Variants in TXNRD1 observed in about 807,000 individuals in gnomAD.
TXNRD1 encodes the protein thioredoxin reductase 1, also known as thioredoxin reductase 1, cytoplasmic.
Under a neutral mutation model 80.3 loss-of-function variants are expected in TXNRD1, and 57 were observed. The observed-to-expected ratio is 0.71, with a 90% CI of 0.57 to 0.89. The LOEUF (loss-of-function observed/expected upper bound fraction) is 0.89. TXNRD1 is among the 40% of genes least tolerant of loss of function. The probability of loss-of-function intolerance (pLI) is 0.00; values close to 1 mark genes in which losing one functional copy is unlikely to be tolerated. For missense variants in TXNRD1, 730 were observed against 803.0 expected, an observed-to-expected ratio of 0.91 and a Z score of 1.10; for synonymous variants, 291 against 285.2, an observed-to-expected ratio of 1.02 and a Z score of -0.20.
intron 3 of TXNRD1, among the ~76,000 whole-genome samples, chr12:104,285,294 G>T (rs1310333432): frequency 4.6e-5 from 7 of 152,128 alleles, no homozygotes; most frequent in Non-Finnish European, 1.0e-4. Flanking sequence ...TTTTCCTCTA[G>T]AATTCACGAC....
intron 2 of TXNRD1, among the ~76,000 whole-genome samples, chr12:104,257,678 G>A (rs2033287322): frequency 6.6e-6 from 1 of 152,062 alleles, no homozygotes; most frequent in African/African-American, 2.4e-5. Context: ...CAAAGTGCTG[G>A]GATTACAGAC....
chr12:104,226,045 C>G (rs2032465933), intron 1 of TXNRD1, among the ~76,000 whole-genome samples: 1 of 151,732 alleles, frequency 6.6e-6, no homozygotes, highest in African/African-American at 2.4e-5. Context: ...ACTAAAAATG[C>G]AAAAAATTAG....
chr12:104,233,900 A>G (rs1034968265), intron 1 of TXNRD1, among the ~76,000 whole-genome samples: 2 of 152,222 alleles, frequency 1.3e-5, no homozygotes, highest in African/African-American at 4.8e-5. Context: ...AGGATCAGCA[A>G]TATTTCAAGC....
intron 1 of TXNRD1, among the ~76,000 whole-genome samples, chr12:104,230,469 C>T (rs2032594589): frequency 6.6e-6 from 1 of 152,122 alleles, no homozygotes; most frequent in African/African-American, 2.4e-5. Flanking sequence ...TTTCCACATC[C>T]TTGTTAACAC....
chr12:104,347,511 G>A (rs188381273), intron 16 of TXNRD1, among the ~76,000 whole-genome samples: 1 of 152,322 alleles, frequency 6.6e-6, no homozygotes, highest in East Asian at 1.9e-4. Flanking sequence ...CTGCAAATGA[G>A]AGTATAGGTT....
chr12:104,246,585 C>T (rs1398324715), intron 1 of TXNRD1, among the ~76,000 whole-genome samples: 19 of 146,032 alleles, frequency 1.3e-4, no homozygotes, highest in African/African-American at 1.5e-4. Flanking sequence ...TGCAGTGGTG[C>T]GATCTCGGTT....
At chr12:104,307,056 AGTT>A (rs2034945216) in intron 4 of TXNRD1, among the ~76,000 whole-genome samples, 3 of 152,160 alleles carry the variant, frequency 2.0e-5, no homozygotes, top group Admixed American at 2.0e-4. Context: ...TAAAATATAA[AGTT>A]GACCACTTCT....
chr12:104,254,638 A>AT (rs909869132), intron 2 of TXNRD1, among the ~76,000 whole-genome samples: 6 of 106,842 alleles, frequency 5.6e-5, no homozygotes, highest in African/African-American at 3.1e-4. Context: ...TGGAAAAAAA[A>AT]AAAAAAATAT....
At chr12:104,254,420 A>G (rs1193369310) in intron 2 of TXNRD1, among the ~76,000 whole-genome samples, 3 of 151,796 alleles carry the variant, frequency 2.0e-5, no homozygotes, top group Non-Finnish European at 4.4e-5. Context: ...TAATCCTATC[A>G]GTGGGTAAAT....
chr12:104,223,660 G>A (rs1160286884), intron 1 of TXNRD1, among the ~76,000 whole-genome samples: 7 of 152,208 alleles, frequency 4.6e-5, no homozygotes, highest in Non-Finnish European at 7.3e-5. Flanking sequence ...AAGGGAGGGT[G>A]TGTCCAGTTG....
intron 3 of TXNRD1, among the ~76,000 whole-genome samples, chr12:104,268,561 C>T (rs1400819413): frequency 6.6e-6 from 1 of 152,050 alleles, no homozygotes; most frequent in African/African-American, 2.4e-5. Flanking sequence ...ACTCTGTCCC[C>T]AGGCTGGAGT....
intron 4 of TXNRD1, among the ~76,000 whole-genome samples, chr12:104,291,974 C>T (rs999335198): frequency 2.0e-5 from 3 of 152,186 alleles, no homozygotes; most frequent in African/African-American, 7.2e-5. Context: ...GAATTGAGTG[C>T]TTATAGTCCT....
intron 7 of TXNRD1, among the ~76,000 whole-genome samples, chr12:104,316,392 A>T (rs548715170): frequency 1.6e-4 from 25 of 152,098 alleles, no homozygotes; most frequent in Non-Finnish European, 3.1e-4. Context: ...TTTTATTTTT[A>T]TTTATTTATT....
Position 104,339,225 on chromosome 12 carries a change from C to A in TXNRD1, c.1833C>A (p.Thr611=). The stretch of plus-strand genomic sequence containing the variant: ...CAGCTGCGCTCAAATGTGGACTGAC[C>A]AAAAAGCAGCTGGACAGCACAATTG... ...GFAAALKCGL[T]KKQLDSTIGI... The change falls in exon 16 of 17, where the codon ACC becomes ACA. Residue 611 remains threonine (T), a synonymous_variant. Coordinates refer to ENST00000525566, the MANE Select transcript of TXNRD1 (RefSeq NM_001093771.3). The A allele has an allele frequency of 6.2e-7, 1 of 1,613,868 alleles. No homozygotes were observed. Among genetic ancestry groups the A allele is most frequent in the South Asian group, 1.1e-5 (1 of 91,080 alleles).
chr12:104,229,522 T>A (rs1336966744), intron 1 of TXNRD1, among the ~76,000 whole-genome samples: 1 of 151,624 alleles, frequency 6.6e-6, no homozygotes, highest in Non-Finnish European at 1.5e-5. Context: ...TTAGTACTTC[T>A]TTTTATTGTT....
chr12:104,283,342 C>G (rs2033915837), intron 3 of TXNRD1, among the ~76,000 whole-genome samples: 1 of 151,980 alleles, frequency 6.6e-6, no homozygotes, highest in African/African-American at 2.4e-5. Context: ...ACTTCCGTCT[C>G]CTGGGTTCAA....
intron 2 of TXNRD1, among the ~76,000 whole-genome samples, chr12:104,254,644 A>AAAAAAAAAAATATATATATATATATATAT: frequency 1.5e-4 from 14 of 93,618 alleles, no homozygotes; most frequent in African/African-American, 6.2e-4. Flanking sequence ...AAAAAAAAAA[A>AAAAAAAAAAATATATATATATATATATAT]ATATATATAT....
At chr12:104,330,669 C>T (rs186185098) in intron 13 of TXNRD1, among the ~76,000 whole-genome samples, 37 of 152,258 alleles carry the variant, frequency 2.4e-4, no homozygotes, top group Admixed American at 2.4e-3. Flanking sequence ...TCACTGCAAC[C>T]TCTGCCTCCC....
chr12:104,346,638 C>G lies in TXNRD1; in HGVS notation c.1882-1715C>G, dbSNP rs184499840. ...TATTTTTATTATCATGTATTGTTTCCCCGTCCTCATCTGTACTCCTACATT... is the reference window on the plus strand; with the variant it reads ...TATTTTTATTATCATGTATTGTTTCGCCGTCCTCATCTGTACTCCTACATT... On this transcript the variant is annotated intron_variant, in intron 16 of 16. Transcript: ENST00000525566. Among the ~76,000 whole-genome samples the G allele has an allele frequency of 3.5e-3, 526 of 152,174 alleles. 2 individuals are homozygous for G. Among genetic ancestry groups the G allele is most frequent in the Non-Finnish European group, 5.9e-3 (400 of 68,006 alleles).
Sources: gnomAD v4.1 joint callset for allele counts (sites outside exome capture counted in the v4.1 genomes callset) on GRCh38, gnomAD v4.1.1 for gene constraint, MANE v1.5 for transcripts, NCBI Gene and HGNC (gene_info 2026-07-23, HGNC 2026-07-21) for gene names.